The following ITPR2 variants were observed in gnomAD, a reference collection of about 807,000 sequenced individuals.
The protein encoded by ITPR2 is inositol 1,4,5-trisphosphate-gated calcium channel ITPR2.
A neutral mutation model predicts 317.1 loss-of-function variants in ITPR2; 207 were observed. The observed-to-expected ratio is 0.65, with a 90% CI of 0.58 to 0.73. The LOEUF is 0.73. Among genes scored for constraint, ITPR2 ranks in the 30% least tolerant of loss-of-function variants. ITPR2 has a pLI of 0.00. For missense variants in ITPR2, 2,613 were observed against 3,284.0 expected (o/e 0.80, Z 4.99); for synonymous variants, 1,156 against 1,149.1 (o/e 1.01, Z -0.12).
intron 13 of ITPR2, among the ~76,000 whole-genome samples, chr12:26,669,419 C>A (rs749439): frequency 0.34 from 51,649 of 151,808 alleles, 9,599 homozygotes; most frequent in East Asian, 0.64. Flanking sequence ...GAATTGAAGG[C>A]AGAAATAAGT....
intron 23 of ITPR2, 95 bp downstream of exon 23, chr12:26,627,938 C>T (rs756188885): frequency 4.2e-6 from 5 of 1,193,142 alleles, no homozygotes; most frequent in Non-Finnish European, 5.8e-6. Context: ...ATTTAAAAAG[C>T]ACAAAAAATA....
At chr12:26,516,425 G>A (rs1305980399) in intron 37 of ITPR2, among the ~76,000 whole-genome samples, 7 of 151,996 alleles carry the variant, frequency 4.6e-5, no homozygotes, top group African/African-American at 1.7e-4. Context: ...TTTTTAGGAT[G>A]TGCTCCAGCT....
At chr12:26,400,029 A>T in intron 53 of ITPR2, 99 bp downstream of exon 53, 1 of 1,272,028 alleles carries the variant, frequency 7.9e-7, no homozygotes, top group Non-Finnish European at 1.1e-6. Flanking sequence ...AAATGGTACA[A>T]TATATTTTCC....
intron 52 of ITPR2, among the ~76,000 whole-genome samples, chr12:26,407,187 T>C (rs1037220290): frequency 3.9e-5 from 6 of 152,168 alleles, no homozygotes; most frequent in African/African-American, 1.2e-4. Flanking sequence ...CATTTGTTCA[T>C]AGGAAGGAGA....
intron 46 of ITPR2, among the ~76,000 whole-genome samples, chr12:26,443,163 T>C (rs1941526712): frequency 2.0e-5 from 3 of 152,200 alleles, no homozygotes; most frequent in Admixed American, 2.0e-4. Context: ...CACTTGTGAA[T>C]TGCTGGAGAT....
chr12:26,573,988 A>C (rs1053023538), intron 34 of ITPR2, among the ~76,000 whole-genome samples: 4 of 152,334 alleles, frequency 2.6e-5, no homozygotes, highest in African/African-American at 9.6e-5. Flanking sequence ...ATGATGGTAG[A>C]TTTGGACAAG....
intron 36 of ITPR2, among the ~76,000 whole-genome samples, chr12:26,551,997 G>A (rs532720382): frequency 6.6e-6 from 1 of 152,306 alleles, no homozygotes; most frequent in South Asian, 2.1e-4. Flanking sequence ...GATGGCAGCG[G>A]GAAAGATGAA....
intron 45 of ITPR2, among the ~76,000 whole-genome samples, chr12:26,468,051 T>C (rs1243663746): frequency 6.6e-6 from 1 of 152,182 alleles, no homozygotes; most frequent in Non-Finnish European, 1.5e-5. Flanking sequence ...TCCAGGATGA[T>C]ATATAGCACA....
Position 26,771,022 on chromosome 12 carries a change from G to A in ITPR2, c.163+19135C>T, listed in dbSNP as rs148253216. Among the ~76,000 whole-genome samples, 158 of 152,194 alleles carry A rather than the reference G, an allele frequency of 1.0e-3. 1 individual carries two copies. The highest frequency in any genetic ancestry group is 3.7e-3 in the African/African-American group (155 of 41,510). ...TGTCTTTATGTGGTCTTCTGTGTGC[G>A]CCTTCTATTCGTATGTCTTGTACAA... On this transcript the variant is annotated intron_variant, in intron 2 of 56. Coordinates refer to ENST00000381340, the MANE Select transcript of ITPR2 (RefSeq NM_002223.4).
intron 9 of ITPR2, among the ~76,000 whole-genome samples, chr12:26,701,358 A>G (rs572693195): frequency 2.0e-5 from 3 of 152,318 alleles, no homozygotes; most frequent in African/African-American, 7.2e-5. Context: ...TATATATAAC[A>G]CTGAAATCAT....
chr12:26,605,126 A>AAAAAATAT (rs1555165395), intron 26 of ITPR2, among the ~76,000 whole-genome samples: 45 of 136,316 alleles, frequency 3.3e-4, no homozygotes, highest in African/African-American at 1.1e-3. Flanking sequence ...AAAAAATAAA[A>AAAAAATAT]ATATATATAT....
At chr12:26,579,945 G>C (rs1945358700) in intron 33 of ITPR2, 82 bp downstream of exon 33, 1 of 1,075,808 alleles carries the variant, frequency 9.3e-7, no homozygotes, top group African/African-American at 1.6e-5. Context: ...TGTAGGAGAT[G>C]ACTTCCTGAC....
intron 40 of ITPR2, 127 bp from the exon 41 acceptor site, chr12:26,486,487 C>A (rs1302496905): frequency 3.7e-6 from 3 of 815,754 alleles, no homozygotes; most frequent in African/African-American, 1.8e-5. Context: ...AAAGGTGCAA[C>A]AATTTCCAAA....
intron 26 of ITPR2, among the ~76,000 whole-genome samples, chr12:26,608,466 A>G (rs1946188715): frequency 6.6e-6 from 1 of 151,934 alleles, no homozygotes; most frequent in Non-Finnish European, 1.5e-5. Flanking sequence ...CTGTGAAGTG[A>G]GGTGCGCCTC....
chr12:26,432,610 A>G (rs149599798), intron 48 of ITPR2, among the ~76,000 whole-genome samples: 207 of 152,266 alleles, frequency 1.4e-3, no homozygotes, highest in African/African-American at 4.9e-3. Context: ...AATTTTTACT[A>G]CTGTGATGTT....
intron 2 of ITPR2, among the ~76,000 whole-genome samples, chr12:26,732,521 T>C (rs1406752156): frequency 6.6e-6 from 1 of 152,194 alleles, no homozygotes; most frequent in Non-Finnish European, 1.5e-5. Context: ...ATGGAGCGCT[T>C]TGTAAACTAT....
chr12:26,779,849 CA>C, intron 2 of ITPR2, among the ~76,000 whole-genome samples: 1 of 152,138 alleles, frequency 6.6e-6, no homozygotes, highest in Non-Finnish European at 1.5e-5. Context: ...GCTGGATGGT[CA>C]GGGGCTTGGA....
rs1948052537 is a variant in ITPR2, at chr12:26,682,470, T to C, written c.1248+104A>G. ...AATTAATTGCAATGATCTGTAATAT[T>C]GGTGAAGATGGAGTATAAGGAACAT... On this transcript the variant is annotated intron_variant, in intron 12 of 56. Coordinates refer to ENST00000381340, the MANE Select transcript of ITPR2 (RefSeq NM_002223.4). 4 of 708,602 alleles carry C rather than the reference T, an allele frequency of 5.6e-6. No homozygotes were observed. The East Asian group carries it at 1.0e-4, about 19-fold the overall frequency. The allele number at this position is 708,602 out of a possible 1,614,324, so 43.9% of individuals were successfully genotyped here.
At position 26,672,021 on chromosome 12, in the gene ITPR2, C is replaced by A. The variant is rs533555709; in HGVS notation, c.1410-5970G>T. ...CTAACTATCCTAAATATATATGCAC[C>A]CAATACAGGAGCACCCAGATTCATA... On this transcript the variant is annotated intron_variant, in intron 13 of 56. Transcript: ENST00000381340. 6.2e-4 allele frequency among the ~76,000 whole-genome samples: 94 copies of A among 152,066 alleles called. No individual in the cohort carries two copies. The East Asian group carries it at 0.016, about 26-fold the overall frequency.
Sources: gnomAD v4.1 joint callset for allele counts (sites outside exome capture counted in the v4.1 genomes callset) on GRCh38, gnomAD v4.1.1 for gene constraint, MANE v1.5 for transcripts, NCBI Gene and HGNC (gene_info 2026-07-23, HGNC 2026-07-21) for gene names.